CLSTN2: variants seen among roughly 807,000 people sequenced by gnomAD.
CLSTN2 encodes calsyntenin 2.
A neutral mutation model predicts 101.2 loss-of-function variants in CLSTN2; 48 were observed. The observed-to-expected ratio is 0.47, with a 90% CI of 0.38 to 0.60. CLSTN2 has a LOEUF of 0.60. Ranked by LOEUF, CLSTN2 falls within the 20% of genes least tolerant of loss-of-function variation. The probability of loss-of-function intolerance (pLI) is 0.00; values close to 1 mark genes in which losing one functional copy is unlikely to be tolerated. For synonymous variants in CLSTN2, 481 were observed against 463.6 expected (o/e 1.04, Z -0.48); for missense variants, 1,160 against 1,238.2 (o/e 0.94, Z 0.95).
At chr3:140,013,281 G>A (rs528388100) in intron 1 of CLSTN2, among the ~76,000 whole-genome samples, 9 of 152,380 alleles carry the variant, frequency 5.9e-5, no homozygotes, top group Admixed American at 5.2e-4. Flanking sequence ...GTGAGAGAAA[G>A]CCCATATGGG....
intron 2 of CLSTN2, among the ~76,000 whole-genome samples, chr3:140,229,740 C>T (rs1321522798): frequency 6.6e-6 from 1 of 152,054 alleles, no homozygotes; most frequent in South Asian, 2.1e-4. Context: ...GGGGCTGCAT[C>T]AGACCCAGTT....
At chr3:140,283,496 T>C (rs2086867602) in intron 2 of CLSTN2, among the ~76,000 whole-genome samples, 1 of 152,082 alleles carries the variant, frequency 6.6e-6, no homozygotes, top group African/African-American at 2.4e-5. Flanking sequence ...GTATTACCCT[T>C]GCTTTATGGA....
At chr3:140,494,779 C>T (rs1032130151) in intron 8 of CLSTN2, among the ~76,000 whole-genome samples, 3 of 152,168 alleles carry the variant, frequency 2.0e-5, no homozygotes, top group Non-Finnish European at 4.4e-5. Flanking sequence ...CATATCCCTG[C>T]AAAGGACATG....
intron 1 of CLSTN2, among the ~76,000 whole-genome samples, chr3:140,074,787 A>G (rs1035793933): frequency 1.3e-5 from 2 of 152,168 alleles, no homozygotes; most frequent in Non-Finnish European, 2.9e-5. Context: ...GTCTTCTTTC[A>G]TATCACCTGT....
intron 1 of CLSTN2, among the ~76,000 whole-genome samples, chr3:139,953,485 G>T (rs569729423): frequency 1.3e-5 from 2 of 152,046 alleles, no homozygotes; most frequent in African/African-American, 4.8e-5. Flanking sequence ...TGCCTTTTTC[G>T]TGCAGGTAGG....
At chr3:140,065,171 CAGAT>C (rs1304475368) in intron 1 of CLSTN2, among the ~76,000 whole-genome samples, 2 of 152,188 alleles carry the variant, frequency 1.3e-5, no homozygotes. Flanking sequence ...GGGATGGGGC[CAGAT>C]AATGAGCAGG....
intron 1 of CLSTN2, among the ~76,000 whole-genome samples, chr3:139,993,849 AAG>A (rs1454395233): frequency 4.2e-5 from 4 of 95,636 alleles, no homozygotes; most frequent in East Asian, 3.2e-4. Flanking sequence ...AACTTAAAGA[AAG>A]TATATGACAA....
At chr3:140,094,134 C>A (rs1329225623) in intron 1 of CLSTN2, among the ~76,000 whole-genome samples, 1 of 152,172 alleles carries the variant, frequency 6.6e-6, no homozygotes, top group Non-Finnish European at 1.5e-5. Context: ...AGACGTTAAC[C>A]CTCAACCCCA....
intron 8 of CLSTN2, among the ~76,000 whole-genome samples, chr3:140,497,389 C>T: frequency 6.6e-6 from 1 of 152,172 alleles, no homozygotes; most frequent in East Asian, 1.9e-4. Context: ...TTTGAAAAAG[C>T]TATCTGGCCA....
At chr3:140,515,217 T>C (rs1934894430) in intron 8 of CLSTN2, among the ~76,000 whole-genome samples, 1 of 137,000 alleles carries the variant, frequency 7.3e-6, no homozygotes, top group African/African-American at 3.7e-5. Context: ...TTGGTTGTAA[T>C]ACCTTCTGTT....
chr3:140,135,491 A>G (rs1292233142), intron 1 of CLSTN2, among the ~76,000 whole-genome samples: 1 of 152,158 alleles, frequency 6.6e-6, no homozygotes, highest in East Asian at 1.9e-4. Context: ...CGTAGTCTCT[A>G]CAAACAAACT....
rs779292428 is a variant in CLSTN2 at position 140,566,053 on chromosome 3, A to G, written c.2668A>G (p.Lys890Glu). ...ALTITVNPME[K>E]HEGPGHGEDE... ...TTTGCTTTTTCTCCTTGATATCCAG[A>G]AACATGAAGGACCAGGGCATGGGGA... Residue 890 changes from lysine (K) to glutamate (E), a missense_variant and splice_region_variant, in exon 17 of 17, where the codon AAA becomes GAA. Physicochemically the swap from Lys to Glu is moderately conservative, Grantham distance 56. Coordinates refer to ENST00000458420, the MANE Select transcript of CLSTN2 (RefSeq NM_022131.3). 5 of 1,613,942 alleles carry G rather than the reference A, an allele frequency of 3.1e-6. No homozygotes were observed. Among genetic ancestry groups the G allele is most frequent in the Non-Finnish European group, 4.2e-6 (5 of 1,179,982 alleles).
intron 8 of CLSTN2, chr3:140,507,492 G>A (rs888539765): frequency 6.6e-6 from 1 of 152,196 alleles, no homozygotes; most frequent in Non-Finnish European, 1.5e-5. Flanking sequence ...GACAGGAGCA[G>A]GGGTAGGAGA....
intron 2 of CLSTN2, among the ~76,000 whole-genome samples, chr3:140,332,191 A>G (rs2087389460): frequency 6.6e-6 from 1 of 152,182 alleles, no homozygotes; most frequent in Non-Finnish European, 1.5e-5. Context: ...CACTGGGTAA[A>G]GAGGGAGGGG....
At chr3:140,419,186 A>T (rs903740278) in intron 4 of CLSTN2, among the ~76,000 whole-genome samples, 18 of 151,704 alleles carry the variant, frequency 1.2e-4, no homozygotes, top group Non-Finnish European at 2.5e-4. Flanking sequence ...GAAATATAAA[A>T]ATATACCTGA....
At chr3:140,408,689 G>T (rs1329433007) in intron 4 of CLSTN2, among the ~76,000 whole-genome samples, 1 of 152,076 alleles carries the variant, frequency 6.6e-6, no homozygotes, top group African/African-American at 2.4e-5. Context: ...TCTCCCCAAA[G>T]CTGCCTTAGC....
intron 2 of CLSTN2, among the ~76,000 whole-genome samples, chr3:140,242,481 C>G (rs2086478617): frequency 6.6e-6 from 1 of 152,110 alleles, no homozygotes; most frequent in Non-Finnish European, 1.5e-5. Context: ...CCTGGTGTGC[C>G]TCATCTTGAG....
intron 8 of CLSTN2, 148 bp from the exon 9 acceptor site, chr3:140,532,176 G>A (rs1935268744): frequency 4.1e-6 from 2 of 490,254 alleles, no homozygotes; most frequent in South Asian, 9.9e-5. Flanking sequence ...TATAACTTCA[G>A]TGTATGTCAA....
At chr3:140,128,125 A>G (rs966921051) in intron 1 of CLSTN2, among the ~76,000 whole-genome samples, 2 of 152,212 alleles carry the variant, frequency 1.3e-5, no homozygotes. Flanking sequence ...ATGCATTTGT[A>G]TATTTTTCTA....
Sources: gnomAD v4.1 joint callset for allele counts (sites outside exome capture counted in the v4.1 genomes callset) on GRCh38, gnomAD v4.1.1 for gene constraint, MANE v1.5 for transcripts, NCBI Gene and HGNC (gene_info 2026-07-23, HGNC 2026-07-21) for gene names.